Variants in KIRREL1 observed in about 807,000 individuals in gnomAD.
The protein encoded by KIRREL1 is kin of IRRE-like protein 1.
KIRREL1 carries 25 observed loss-of-function variants against 83.3 expected under a neutral mutation model. That is an observed-to-expected ratio of 0.30 (90% CI 0.22 to 0.42). The LOEUF (loss-of-function observed/expected upper bound fraction) is 0.42, where lower values mean the gene tolerates loss of function less well. KIRREL1 is among the 10% of genes least tolerant of loss of function. The pLI is 1.00. For synonymous variants in KIRREL1, 388 were observed against 410.4 expected, an observed-to-expected ratio of 0.95 and a Z score of 0.66; for missense variants, 812 against 1,032.3, an observed-to-expected ratio of 0.79 and a Z score of 2.92.
chr1:158,029,925 G>T lies in KIRREL1; in HGVS notation c.52+36197G>T, dbSNP rs4971184. Among the ~76,000 whole-genome samples the T allele has an allele frequency of 3.8e-4, 58 of 152,224 alleles. 2 individuals carry two copies. Among genetic ancestry groups the T allele is most frequent in the African/African-American group, 1.3e-3 (53 of 41,474 alleles). On this transcript the variant is annotated intron_variant, in intron 1 of 14. Transcript: ENST00000359209. ...TTTATATTTTTAGTAGGTAATGTAC[G>T]TAGTACAAAATATAAAAACTACAAG...
At chr1:158,004,821 G>A (rs1399763997) in intron 1 of KIRREL1, among the ~76,000 whole-genome samples, 4 of 152,166 alleles carry the variant, frequency 2.6e-5, no homozygotes, top group Non-Finnish European at 5.9e-5. Context: ...ATGTGCACCT[G>A]TAGTCCCAGC....
chr1:158,073,074 C>T (rs901788828), intron 1 of KIRREL1, among the ~76,000 whole-genome samples: 1 of 152,098 alleles, frequency 6.6e-6, no homozygotes, highest in Non-Finnish European at 1.5e-5. Flanking sequence ...CGGCATAACC[C>T]AGGGGCATCT....
intron 1 of KIRREL1, among the ~76,000 whole-genome samples, chr1:158,030,106 T>C (rs764135430): frequency 6.6e-6 from 1 of 152,146 alleles, no homozygotes; most frequent in East Asian, 1.9e-4. Flanking sequence ...CCAGAGAGAT[T>C]AAATGGTTAC....
intron 1 of KIRREL1, among the ~76,000 whole-genome samples, chr1:158,034,368 C>T (rs1021020489): frequency 6.6e-6 from 1 of 151,992 alleles, no homozygotes; most frequent in Non-Finnish European, 1.5e-5. Context: ...TCCCCTTTCC[C>T]AATTTTCATT....
chr1:158,042,892 T>C (rs1424387075), intron 1 of KIRREL1, among the ~76,000 whole-genome samples: 1 of 129,234 alleles, frequency 7.7e-6, no homozygotes, highest in Non-Finnish European at 1.6e-5. Context: ...GCTAACACGG[T>C]GAAACCCCGT....
In KIRREL1 at chr1:158,056,440, G is replaced by A. The variant is rs114478055; in HGVS notation, c.53-19673G>A. 5.3e-3 allele frequency among the ~76,000 whole-genome samples: 814 copies of A among 152,362 alleles called. 10 individuals are homozygous for A. The highest frequency in any genetic ancestry group is 0.019 in the African/African-American group (783 of 41,586). ...GAGTGATCAGCAGGGGTCTAGGGGT[G>A]AGGGAGCAGGCCAAAGAGCCCCCAA... On this transcript the variant is annotated intron_variant, in intron 1 of 14. Coordinates refer to ENST00000359209, the MANE Select transcript of KIRREL1 (RefSeq NM_018240.7).
intron 1 of KIRREL1, among the ~76,000 whole-genome samples, chr1:158,039,218 T>C (rs1261360415): frequency 6.6e-6 from 1 of 152,146 alleles, no homozygotes; most frequent in Non-Finnish European, 1.5e-5. Context: ...ACAATGCCTA[T>C]GTCTTGCTTG....
At chr1:158,044,845 G>A (rs1660734141) in intron 1 of KIRREL1, among the ~76,000 whole-genome samples, 2 of 152,176 alleles carry the variant, frequency 1.3e-5, no homozygotes, top group Admixed American at 6.5e-5. Context: ...TATGGCTTCT[G>A]TCAGAGAGAG....
chr1:158,026,335 C>A (rs573170387), intron 1 of KIRREL1, among the ~76,000 whole-genome samples: 75 of 152,242 alleles, frequency 4.9e-4, no homozygotes, highest in African/African-American at 1.5e-3. Context: ...TGTATAGAAG[C>A]TAGGTCTAGT....
At chr1:158,090,241 C>G (rs1440327209) in intron 10 of KIRREL1, among the ~76,000 whole-genome samples, 1 of 151,990 alleles carries the variant, frequency 6.6e-6, no homozygotes, top group East Asian at 1.9e-4. Context: ...TTGCTCCCTC[C>G]CCTTCCCTGT....
chr1:158,011,214 G>C (rs948669668), intron 1 of KIRREL1, among the ~76,000 whole-genome samples: 20 of 152,296 alleles, frequency 1.3e-4, no homozygotes, highest in African/African-American at 4.8e-4. Flanking sequence ...CTTTACACTC[G>C]GTTTTCAAGC....
intron 1 of KIRREL1, among the ~76,000 whole-genome samples, chr1:158,031,550 A>AGT (rs1229984667): frequency 1.3e-5 from 2 of 152,246 alleles, no homozygotes; most frequent in South Asian, 2.1e-4. Context: ...ATCAGAGAAT[A>AGT]GTGTGTGTAA....
chr1:158,052,711 G>A (rs1182124383), intron 1 of KIRREL1, among the ~76,000 whole-genome samples: 2 of 152,046 alleles, frequency 1.3e-5, no homozygotes, highest in South Asian at 2.1e-4. Context: ...GCATGAACCC[G>A]GGAGGCTGAG....
intron 1 of KIRREL1, among the ~76,000 whole-genome samples, chr1:158,051,616 A>G (rs891287634): frequency 6.6e-6 from 1 of 150,588 alleles, no homozygotes; most frequent in African/African-American, 2.4e-5. Flanking sequence ...TCTCCCTTCC[A>G]CTCTCTTCCT....
chr1:158,009,580 T>C (rs1182495016), intron 1 of KIRREL1, among the ~76,000 whole-genome samples: 2 of 152,258 alleles, frequency 1.3e-5, no homozygotes, highest in Admixed American at 6.5e-5. Context: ...CCTTTTGTTC[T>C]ACTTCCTCGA....
intron 10 of KIRREL1, 90 bp downstream of exon 10, chr1:158,089,908 T>C: frequency 1.8e-6 from 2 of 1,083,884 alleles, no homozygotes; most frequent in African/African-American, 1.5e-5. Flanking sequence ...TTTTGCTCCT[T>C]CAACTTCCCT....
intron 1 of KIRREL1, among the ~76,000 whole-genome samples, chr1:158,059,561 G>A (rs566993206): frequency 6.6e-6 from 1 of 152,170 alleles, no homozygotes. Context: ...CAGAGGTGGG[G>A]GCAGAAAAAA....
chr1:158,013,798 C>T (rs374230815), intron 1 of KIRREL1, among the ~76,000 whole-genome samples: 3 of 152,166 alleles, frequency 2.0e-5, no homozygotes, highest in African/African-American at 7.2e-5. Context: ...TACCATTCCC[C>T]ACTGCACAGA....
At chr1:158,029,366 T>TGTGTGTGTGTGTGTGTGTGCGCGCGCGC (rs1553238087) in intron 1 of KIRREL1, among the ~76,000 whole-genome samples, 3 of 148,928 alleles carry the variant, frequency 2.0e-5, no homozygotes, top group African/African-American at 5.0e-5. Context: ...TGTGTGTGTG[T>TGTGTGTGTGTGTGTGTGTGCGCGCGCGC]GCACGTGCGC....
Sources: allele counts gnomAD v4.1 joint callset (sites outside exome capture counted in the v4.1 genomes callset), GRCh38; gene constraint gnomAD v4.1.1; transcripts MANE v1.5; gene names NCBI Gene and HGNC (gene_info 2026-07-23, HGNC 2026-07-21).